The following POLR2B variants were observed in gnomAD, a reference collection of about 807,000 sequenced individuals.
POLR2B encodes RNA polymerase II subunit B.
POLR2B carries 57 observed loss-of-function variants against 144.6 expected under a neutral mutation model. The ratio of observed to expected loss-of-function variants is 0.39; its 90% CI spans 0.32 to 0.49. POLR2B has a LOEUF of 0.49. POLR2B is among the 20% of genes least tolerant of loss of function. POLR2B has a pLI of 0.83. For missense variants in POLR2B, 595 were observed against 1,467.4 expected (o/e 0.41, Z 9.71); for synonymous variants, 442 against 469.8 (o/e 0.94, Z 0.77).
chr4:56,982,175 G>C (rs1267527150), intron 1 of POLR2B, among the ~76,000 whole-genome samples: 1 of 151,714 alleles, frequency 6.6e-6, no homozygotes, highest in Non-Finnish European at 1.5e-5. Flanking sequence ...ATATCTCCCA[G>C]GCTGCTTAAC....
At chr4:57,019,568 T>G (rs1723475273) in intron 16 of POLR2B, among the ~76,000 whole-genome samples, 2 of 152,142 alleles carry the variant, frequency 1.3e-5, no homozygotes, top group Non-Finnish European at 2.9e-5. Context: ...TTCTCTCCCT[T>G]TTTATTTCTC....
chr4:57,007,174 C>T (rs957767035), intron 10 of POLR2B, among the ~76,000 whole-genome samples, 172 bp downstream of exon 10: 2 of 152,110 alleles, frequency 1.3e-5, no homozygotes, highest in African/African-American at 2.4e-5. Context: ...TTTGGGAGGC[C>T]GAGGTGGGCT....
At chr4:57,013,845 T>C (rs544052552) in intron 13 of POLR2B, among the ~76,000 whole-genome samples, 1 of 152,036 alleles carries the variant, frequency 6.6e-6, no homozygotes, top group African/African-American at 2.4e-5. Context: ...TGGTGGCTCA[T>C]GCCTGTAATG....
chr4:57,019,008 T>C (rs1401190), intron 16 of POLR2B, among the ~76,000 whole-genome samples: 36,295 of 152,124 alleles, frequency 0.24, 4,516 homozygotes, highest in Middle Eastern at 0.28. Context: ...CATTTGTTAT[T>C]TGTTAGTAAA....
Position 57,008,520 on chromosome 4 carries a change from T to C in POLR2B, c.1404+1518T>C, listed in dbSNP as rs78017314. ...CCTGGCCCAGTTCAAGGAATTGTTA[T>C]TGGGACCTGTGATGTGCCAGGCACT... is the stretch of plus-strand genomic sequence containing the variant. On this transcript the variant is annotated intron_variant, in intron 10 of 24. Coordinates refer to ENST00000314595, the MANE Select transcript of POLR2B (RefSeq NM_000938.3). Among the ~76,000 whole-genome samples, 3,595 of 152,278 alleles carry C rather than the reference T, an allele frequency of 0.024. 318 individuals carry two copies. The East Asian group carries it at 0.25, about 11-fold the overall frequency.
intron 7 of POLR2B, among the ~76,000 whole-genome samples, chr4:57,001,410 C>T (rs546604953): frequency 2.9e-4 from 44 of 152,322 alleles, no homozygotes; most frequent in African/African-American, 7.5e-4. Context: ...GGGCAGCCTG[C>T]GTAGGCCTCC....
chr4:57,013,731 T>C (rs576123336), intron 13 of POLR2B, among the ~76,000 whole-genome samples: 41 of 152,014 alleles, frequency 2.7e-4, no homozygotes, highest in Non-Finnish European at 5.3e-4. Flanking sequence ...GTGTATTATG[T>C]ATTTAGCTCT....
At chr4:56,986,693 G>T in intron 2 of POLR2B, 1 of 236,966 alleles carries the variant, frequency 4.2e-6, no homozygotes, top group East Asian at 9.2e-5. Flanking sequence ...AAACATGTGA[G>T]AGTAACTTGC....
At chr4:57,021,799 C>T (rs181667843) in intron 17 of POLR2B, among the ~76,000 whole-genome samples, 6 of 152,266 alleles carry the variant, frequency 3.9e-5, no homozygotes, top group Non-Finnish European at 2.9e-5. Flanking sequence ...CATGCTCAGC[C>T]AATGTTAAAA....
chr4:56,999,002 T>C (rs753511410), intron 6 of POLR2B, among the ~76,000 whole-genome samples: 2 of 152,032 alleles, frequency 1.3e-5, no homozygotes, highest in Non-Finnish European at 2.9e-5. Flanking sequence ...AACTGAGAAG[T>C]CAGGTATGTC....
intron 1 of POLR2B, among the ~76,000 whole-genome samples, chr4:56,981,617 T>A (rs181340477): frequency 6.6e-6 from 1 of 152,370 alleles, no homozygotes; most frequent in East Asian, 1.9e-4. Context: ...CTCTGAAATG[T>A]TTATTAGATA....
In POLR2B at chr4:57,005,717, A is replaced by G; in HGVS notation, c.1215A>G (p.Arg405=). 1 of 1,609,524 alleles carries G rather than the reference A, an allele frequency of 6.2e-7. No individual in the cohort carries two copies. Among genetic ancestry groups the G allele is most frequent in the Non-Finnish European group, 8.5e-7 (1 of 1,178,566 alleles). The change falls in exon 9 of 25, where the codon AGA becomes AGG. Residue 405 remains arginine (R), a splice_region_variant and synonymous_variant. Transcript: ENST00000314595. ...GGCCGCTGCTTGCATTCTTATTTAG[A>G]GGGTAAGGAATTACAGAATGAAGTC... is the stretch of plus-strand genomic sequence containing the variant. The part of the protein sequence containing the change: ...LAGPLLAFLF[R]GMFKNLLKEV...
chr4:56,996,278 A>ATATATTTT (rs1488404814), intron 6 of POLR2B, among the ~76,000 whole-genome samples: 1 of 59,728 alleles, frequency 1.7e-5, no homozygotes, highest in Non-Finnish European at 3.4e-5. Context: ...ATATATATAT[A>ATATATTTT]TTTTTTTTTT....
intron 7 of POLR2B, among the ~76,000 whole-genome samples, chr4:57,004,176 G>A (rs553945471): frequency 6.6e-6 from 1 of 151,782 alleles, no homozygotes; most frequent in South Asian, 2.1e-4. Flanking sequence ...GCAGGCACAC[G>A]CAACCATGCC....
chr4:56,991,772 A>AT (rs1459857040), intron 3 of POLR2B, among the ~76,000 whole-genome samples: 1 of 151,860 alleles, frequency 6.6e-6, no homozygotes, highest in Non-Finnish European at 1.5e-5. Context: ...TTCTTGGGTC[A>AT]TTTTTTTCTT....
intron 7 of POLR2B, among the ~76,000 whole-genome samples, chr4:57,003,417 A>G (rs1722914579): frequency 6.8e-6 from 1 of 147,566 alleles, no homozygotes; most frequent in Non-Finnish European, 1.5e-5. Context: ...GTGACAGAGC[A>G]AGACTGTCTC....
chr4:57,006,752 C>A, intron 9 of POLR2B, 64 bp from the exon 10 acceptor site: 1 of 1,305,058 alleles, frequency 7.7e-7, no homozygotes, highest in Non-Finnish European at 1.1e-6. Flanking sequence ...TGCAATATTC[C>A]TCCTGTTGAG....
At chr4:56,981,208 T>G (rs1722147248) in intron 1 of POLR2B, among the ~76,000 whole-genome samples, 1 of 152,178 alleles carries the variant, frequency 6.6e-6, no homozygotes, top group Admixed American at 6.5e-5. Context: ...TTGTTTAATG[T>G]GTCCAGGAGA....
At chr4:56,979,029 C>T in intron 1 of POLR2B, 25 bp downstream of exon 1, 2 of 1,611,042 alleles carry the variant, frequency 1.2e-6, no homozygotes, top group Non-Finnish European at 1.7e-6. Context: ...AAAACACACG[C>T]CGTGGCGGTC....
Sources: gnomAD v4.1 joint callset for allele counts (sites outside exome capture counted in the v4.1 genomes callset) on GRCh38, gnomAD v4.1.1 for gene constraint, MANE v1.5 for transcripts, NCBI Gene and HGNC (gene_info 2026-07-23, HGNC 2026-07-21) for gene names.